The following MSH6 variants were observed in gnomAD, a reference collection of about 807,000 sequenced individuals.
MSH6 encodes the protein mutS homolog 6.
In MSH6, 85 loss-of-function variants were observed where a neutral mutation model predicts 119.1. That is an observed-to-expected ratio of 0.71 (90% CI 0.60 to 0.85). The LOEUF (loss-of-function observed/expected upper bound fraction) is 0.85. Ranked by LOEUF, MSH6 falls within the 40% of genes least tolerant of loss-of-function variation. MSH6 has a pLI of 0.00. For synonymous variants in MSH6, 830 were observed against 586.9 expected (o/e 1.41, Z -5.99); for missense variants, 2,163 against 1,655.3 (o/e 1.31, Z -5.32).
rs1553414554 is a variant in MSH6 at position 47,801,124 on chromosome 2, G to C, written c.3141G>C (p.Trp1047Cys). 1 of 1,612,040 alleles carries C rather than the reference G, an allele frequency of 6.2e-7. No homozygotes were observed. The highest frequency in any genetic ancestry group is 1.7e-5 in the Admixed American group (1 of 59,888). ...FYNFDKNYKD[W>C]QSAVECIAVL... ...ACTTTGATAAAAATTACAAGGACTG[G>C]CAGTCTGCTGTAGAGTGTATCGCAG... Residue 1047 changes from tryptophan to cysteine, a missense_variant, in exon 4 of 10, where the codon TGG (tryptophan) becomes TGC (cysteine). Trp to Cys is a radical substitution (Grantham distance 215, BLOSUM62 -2). Coordinates refer to ENST00000234420, the MANE Select transcript of MSH6 (RefSeq NM_000179.3).
downstream of MSH6, chr2:47,807,217 C>CA (rs55762324): frequency 5.8e-3 from 1,413 of 241,586 alleles, 16 homozygotes; most frequent in African/African-American, 0.023. Flanking sequence ...CTAAACTGTT[C>CA]AAAAAAAAAC....
chr2:47,801,228 AAAT>A, intron 4 of MSH6, 73 bp downstream of exon 4: 1 of 1,486,270 alleles, frequency 6.7e-7, no homozygotes, highest in Non-Finnish European at 9.3e-7. Flanking sequence ...TTATCCCTAA[AAAT>A]AAGTAATAAG....
At position 47,791,014 on chromosome 2, in the gene MSH6, T is replaced by C; in HGVS notation, c.348T>C (p.Asp116=). The stretch of plus-strand genomic sequence containing the variant: ...GTCTGGTTTACAACCACCCCTTTGA[T>C]GGAACATTCATCCGCGAGAAAGGGA... ...WPCLVYNHPF[D]GTFIREKGKS... Residue 116 remains aspartate (D), a synonymous_variant, in exon 2 of 10, where the codon GAT becomes GAC. Transcript: ENST00000234420. 1 of 1,614,248 alleles carries C rather than the reference T, an allele frequency of 6.2e-7. No individual in the cohort carries two copies.
chr2:47,808,313 C>T (rs1476099824), downstream of MSH6: 5 of 1,612,104 alleles, frequency 3.1e-6, 1 homozygote, highest in Non-Finnish European at 4.2e-6. Context: ...ATATATCAAG[C>T]AAGTGTGCTA....
At chr2:47,790,080 C>G (rs1326450128) in intron 1 of MSH6, among the ~76,000 whole-genome samples, 1 of 152,162 alleles carries the variant, frequency 6.6e-6, no homozygotes, top group Non-Finnish European at 1.5e-5. Flanking sequence ...GTTGAGCATA[C>G]TGTATTTACT....
chr2:47,784,126 T>TGGGCCACGAGCTGCGAGCGCGG, intron 1 of MSH6: 1 of 985,616 alleles, frequency 1.0e-6, no homozygotes, highest in South Asian at 4.8e-5. Flanking sequence ...GCCGAGGGGG[T>TGGGCCACGAGCTGCGAGCGCGG]GGGCCACGAG....
rs587782331 is a variant in MSH6 at position 47,799,032 on chromosome 2, C to G, written c.1049C>G (p.Ala350Gly). The change falls in exon 4 of 10, where the codon GCC (alanine) becomes GGC (glycine). Residue 350 changes from alanine to glycine, a missense_variant. Physicochemically the swap from Ala to Gly is moderately conservative, Grantham distance 60 (BLOSUM62 0). Transcript: ENST00000234420. ...FSAPQNSESQ[A>G]HVSGGGDDSS... ...GCCCCTCAAAATTCTGAATCCCAAGCCCACGTTAGTGGAGGTGGTGATGAC... is the reference window on the plus strand; with the variant it reads ...GCCCCTCAAAATTCTGAATCCCAAGGCCACGTTAGTGGAGGTGGTGATGAC... 6.2e-7 allele frequency: 1 copy of G among 1,614,178 alleles called. No homozygotes were observed. Among genetic ancestry groups the G allele is most frequent in the South Asian group, 1.1e-5 (1 of 91,086 alleles).
At chr2:47,794,062 AG>A (rs1668921500) in intron 2 of MSH6, among the ~76,000 whole-genome samples, 1 of 122 alleles carries the variant, frequency 8.2e-3, no homozygotes, top group African/African-American at 0.033. Context: ...CAGTAAGGCC[AG>A]GCAGTGGTGG....
Position 47,800,928 on chromosome 2 carries a change from C to G in MSH6, c.2945C>G (p.Pro982Arg), listed in dbSNP as rs2104432331. 5.1e-6 allele frequency: 8 copies of G among 1,578,214 alleles called. No homozygotes were observed. Among genetic ancestry groups the G allele is most frequent in the Non-Finnish European group, 6.9e-6 (8 of 1,163,848 alleles). ...AGGAACCGTTACCAGCTGGAAATTC[C>G]TGAGAATTTCACCACTCGCAATTTG... ...IGRNRYQLEI[P>R]ENFTTRNLPE... Residue 982 changes from proline to arginine, a missense_variant, in exon 4 of 10, where the codon CCT (proline) becomes CGT (arginine). Transcript: ENST00000234420.
rs1395294066 is a variant in MSH6, at chr2:47,801,129, C to G, written c.3146C>G (p.Ser1049Cys). 1 of 1,611,976 alleles carries G rather than the reference C, an allele frequency of 6.2e-7. No homozygotes were observed. Among genetic ancestry groups the G allele is most frequent in the Non-Finnish European group, 8.5e-7 (1 of 1,179,960 alleles). The change falls in exon 4 of 10, where the codon TCT (serine) becomes TGT (cysteine). Residue 1049 changes from serine (S) to cysteine (C), a missense_variant. Transcript: ENST00000234420. ...GATAAAAATTACAAGGACTGGCAGT[C>G]TGCTGTAGAGTGTATCGCAGTGTTG... ...NFDKNYKDWQSAVECIAVLDV... is the reference protein window; with the variant it reads ...NFDKNYKDWQCAVECIAVLDV...
intron 2 of MSH6, among the ~76,000 whole-genome samples, chr2:47,792,789 C>G (rs1308250905): frequency 6.6e-6 from 1 of 151,740 alleles, no homozygotes; most frequent in African/African-American, 2.4e-5. Flanking sequence ...CTGTTTTAGC[C>G]TCCTCAGTAA....
intron 2 of MSH6, among the ~76,000 whole-genome samples, chr2:47,794,624 G>C (rs77163048): frequency 6.6e-6 from 1 of 152,020 alleles, no homozygotes; most frequent in South Asian, 2.1e-4. Context: ...ATTTTAACGC[G>C]TTGAGTCTGA....
chr2:47,801,864 G>T (rs1669621353), intron 4 of MSH6, among the ~76,000 whole-genome samples: 1 of 152,100 alleles, frequency 6.6e-6, no homozygotes, highest in South Asian at 2.1e-4. Flanking sequence ...GCCCAGGCTG[G>T]TCTTGAACTC....
At chr2:47,793,243 T>C (rs3136292) in intron 2 of MSH6, among the ~76,000 whole-genome samples, 34,589 of 141,620 alleles carry the variant, frequency 0.24, 4,467 homozygotes, top group Non-Finnish European at 0.3. Context: ...ATCGCTTGAA[T>C]CTAGGAGGCG....
chr2:47,793,598 C>A lies in MSH6; in HGVS notation c.458-2296C>A, dbSNP rs369864807. Among the ~76,000 whole-genome samples the A allele has an allele frequency of 4.0e-5, 6 of 150,446 alleles. 2 individuals carry two copies. The highest frequency in any genetic ancestry group is 2.0e-4 in the Admixed American group (3 of 15,108). ...CTCCAGCCTGGGGAACGGAGTGAGA[C>A]TTCATCTCAAAAATAAATAAATAAA... is the stretch of plus-strand genomic sequence containing the variant. On this transcript the variant is annotated intron_variant, in intron 2 of 9. Coordinates refer to ENST00000234420, the MANE Select transcript of MSH6 (RefSeq NM_000179.3).
At position 47,804,933 on chromosome 2, in the gene MSH6, C is replaced by A. The variant is rs1553332163; in HGVS notation, c.3462C>A (p.Ala1154=). 6.2e-7 allele frequency: 1 copy of A among 1,614,042 alleles called. No individual in the cohort carries two copies. The highest frequency in any genetic ancestry group is 1.1e-5 in the South Asian group (1 of 91,082). Residue 1154 remains alanine, a synonymous_variant, in exon 6 of 10, where the codon GCC becomes GCA. Coordinates refer to ENST00000234420, the MANE Select transcript of MSH6 (RefSeq NM_000179.3). ...MRQAGLLAVM[A]QMGCYVPAEV... is the part of the protein sequence containing the mutation. ...AGGCTGGCTTATTAGCTGTAATGGC[C>A]CAGATGGGTTGTTACGTCCCTGCTG...
rs1558396428 is a variant in MSH6, at chr2:47,806,927, C to CTAA, written c.*71_*73dup. Reference sequence around the variant, plus strand: ...TGGTAAATTCAGACAACATTATGATCTAATAAACTTTATTTTTTAAAAATG... The same window carrying CTAA: ...TGGTAAATTCAGACAACATTATGATCTAATAATAAACTTTATTTTTTAAAAATG... On this transcript the variant is annotated 3_prime_UTR_variant, in exon 10 of 10. Coordinates refer to ENST00000234420, the MANE Select transcript of MSH6 (RefSeq NM_000179.3). 8.6e-7 allele frequency: 1 copy of CTAA among 1,168,126 alleles called. No individual in the cohort carries two copies. The highest frequency in any genetic ancestry group is 1.3e-6 in the Non-Finnish European group (1 of 787,728). 72.4% of individuals were successfully genotyped at this position (1,168,126 alleles called of 1,614,324 possible).
rs897659256 is a variant in MSH6, at chr2:47,801,601, T to G, written c.3172+446T>G. ...CAGGACTGGTCTTGAACTCCTGGGC[T>G]CAAGTGATCCTCCTGCCTCGGCTTC... On this transcript the variant is annotated intron_variant, in intron 4 of 9. Transcript: ENST00000234420. Among the ~76,000 whole-genome samples, 5 of 152,048 alleles carry G rather than the reference T, an allele frequency of 3.3e-5. 1 individual carries two copies. In the East Asian group the frequency reaches 9.6e-4, roughly 29 times the overall value.
chr2:47,785,925 A>G (rs1023783742), intron 1 of MSH6, among the ~76,000 whole-genome samples: 5 of 152,252 alleles, frequency 3.3e-5, no homozygotes, highest in Admixed American at 6.5e-5. Context: ...ATTCCAGGGT[A>G]TTCAAGAAAG....
Sources: allele counts gnomAD v4.1 joint callset (sites outside exome capture counted in the v4.1 genomes callset), GRCh38; gene constraint gnomAD v4.1.1; transcripts MANE v1.5; gene names NCBI Gene and HGNC (gene_info 2026-07-23, HGNC 2026-07-21).